The following CSMD1 variants were observed in gnomAD, a reference collection of about 807,000 sequenced individuals.
CSMD1 encodes CUB and sushi domain-containing protein 1.
Under a neutral mutation model 417.5 loss-of-function variants are expected in CSMD1, and 213 were observed. The ratio of observed to expected loss-of-function variants is 0.51; its 90% CI spans 0.46 to 0.57. The LOEUF (loss-of-function observed/expected upper bound fraction) is 0.57, where lower values mean the gene tolerates loss of function less well. Ranked by LOEUF, CSMD1 falls within the 20% of genes least tolerant of loss-of-function variation. The pLI is 0.00. For missense variants in CSMD1, 6,923 were observed against 4,529.7 expected, an observed-to-expected ratio of 1.53 and a Z score of -15.17; for synonymous variants, 2,862 against 1,736.8, an observed-to-expected ratio of 1.65 and a Z score of -16.11.
In CSMD1 at chr8:4,962,389, TGTGTAGAGACAGG is replaced by T. The variant is rs1217047443; in HGVS notation, c.85+31930_85+31942del. Reference sequence around the variant, plus strand: ...TCTTGACTGCTTAATTTTATAATTTTGTGTAGAGACAGGGTCTTTCTATGTCGCCAAAGCTGGC... The same window carrying T: ...TCTTGACTGCTTAATTTTATAATTTTGTCTTTCTATGTCGCCAAAGCTGGC... On this transcript the variant is annotated intron_variant, in intron 1 of 69. Coordinates refer to ENST00000635120, the MANE Select transcript of CSMD1 (RefSeq NM_033225.6). Among the ~76,000 whole-genome samples the T allele has an allele frequency of 5.9e-5, 9 of 152,088 alleles. No homozygotes were observed. In the East Asian group the frequency reaches 1.7e-3, roughly 30 times the overall value.
intron 2 of CSMD1, among the ~76,000 whole-genome samples, chr8:4,521,236 A>G (rs1041555369): frequency 5.9e-5 from 9 of 152,196 alleles, no homozygotes; most frequent in Non-Finnish European, 1.2e-4. Context: ...AAAGAACCAG[A>G]ATGATAGTCA....
intron 5 of CSMD1, among the ~76,000 whole-genome samples, chr8:3,799,568 A>G (rs189732043): frequency 6.6e-6 from 1 of 151,960 alleles, no homozygotes; most frequent in African/African-American, 2.4e-5. Flanking sequence ...AAACCTTATC[A>G]TTTGAAACTG....
At position 4,297,032 on chromosome 8, in the gene CSMD1, T is replaced by C. The variant is rs142140232; in HGVS notation, c.415+122921A>G. ...AGGAAGTGCTGGGAAAGAGTAATGC[T>C]ACATTTTTACGCCAATAAAAATGGT... On this transcript the variant is annotated intron_variant, in intron 3 of 69. Transcript: ENST00000635120. Among the ~76,000 whole-genome samples, 183 of 152,228 alleles carry C rather than the reference T, an allele frequency of 1.2e-3. 1 individual carries two copies. Among genetic ancestry groups the C allele is most frequent in the African/African-American group, 4.3e-3 (179 of 41,574 alleles).
chr8:3,688,476 C>G (rs577767559), intron 7 of CSMD1, among the ~76,000 whole-genome samples: 3 of 152,254 alleles, frequency 2.0e-5, no homozygotes, highest in East Asian at 3.9e-4. Context: ...TCTCTGTTCC[C>G]TAATGTCAAA....
chr8:4,310,301 G>A (rs1051353388), intron 3 of CSMD1, among the ~76,000 whole-genome samples: 1 of 152,144 alleles, frequency 6.6e-6, no homozygotes, highest in Non-Finnish European at 1.5e-5. Context: ...AAATTCTTAT[G>A]GGTGGGTGTG....
chr8:4,015,298 G>C (rs901015867), intron 4 of CSMD1, among the ~76,000 whole-genome samples: 1 of 152,202 alleles, frequency 6.6e-6, no homozygotes, highest in East Asian at 1.9e-4. Context: ...AGAATTTATA[G>C]GCACCCATAA....
chr8:4,581,294 C>A (rs889951487), intron 2 of CSMD1, among the ~76,000 whole-genome samples: 1 of 152,160 alleles, frequency 6.6e-6, no homozygotes, highest in African/African-American at 2.4e-5. Context: ...GAACAAGACA[C>A]ATGCAGAGGA....
At chr8:3,907,947 G>T (rs1379055451) in intron 5 of CSMD1, among the ~76,000 whole-genome samples, 1 of 152,028 alleles carries the variant, frequency 6.6e-6, no homozygotes, top group East Asian at 1.9e-4. Flanking sequence ...ATTTTTTTGG[G>T]GGGTGTGGGG....
At chr8:3,315,293 A>G (rs1357986923) in intron 23 of CSMD1, among the ~76,000 whole-genome samples, 5 of 152,134 alleles carry the variant, frequency 3.3e-5, no homozygotes, top group African/African-American at 1.2e-4. Flanking sequence ...AATTGGTTAA[A>G]TTTATTTTTT....
intron 3 of CSMD1, among the ~76,000 whole-genome samples, chr8:4,041,838 A>C (rs1797910314): frequency 6.6e-6 from 1 of 152,192 alleles, no homozygotes; most frequent in African/African-American, 2.4e-5. Flanking sequence ...ACCCAGATTG[A>C]ACATCTAGAG....
intron 3 of CSMD1, among the ~76,000 whole-genome samples, chr8:4,308,195 A>G (rs1186529559): frequency 1.3e-5 from 2 of 152,152 alleles, no homozygotes; most frequent in African/African-American, 4.8e-5. Context: ...TTAGGAGGTG[A>G]AGTCACTTGA....
chr8:4,142,702 A>C (rs1421628227), intron 3 of CSMD1, among the ~76,000 whole-genome samples: 1 of 151,178 alleles, frequency 6.6e-6, no homozygotes, highest in African/African-American at 2.5e-5. Context: ...GCTGAGGTTT[A>C]GGGCATTCCT....
In CSMD1 at chr8:3,550,236, A is replaced by T. The variant is rs183650356; in HGVS notation, c.1344+24709T>A. On this transcript the variant is annotated intron_variant, in intron 10 of 69. Coordinates refer to ENST00000635120, the MANE Select transcript of CSMD1 (RefSeq NM_033225.6). ...ATTCCAATGTCTCTTCCTTTAGAAT[A>T]CATCCTATGTCTCACCACCTGTCAC... Among the ~76,000 whole-genome samples, 3 of 152,188 alleles carry T rather than the reference A, an allele frequency of 2.0e-5. No individual in the cohort carries two copies. In the East Asian group the frequency reaches 5.8e-4, roughly 30 times the overall value.
At chr8:4,427,612 T>C (rs533341393) in intron 2 of CSMD1, among the ~76,000 whole-genome samples, 1 of 152,156 alleles carries the variant, frequency 6.6e-6, no homozygotes, top group Non-Finnish European at 1.5e-5. Context: ...AAGTAAAAAT[T>C]ATTGTAAATT....
At chr8:3,026,436 C>A (rs907652900) in intron 51 of CSMD1, among the ~76,000 whole-genome samples, 17 of 151,872 alleles carry the variant, frequency 1.1e-4, no homozygotes, top group African/African-American at 3.9e-4. Context: ...TTCACTGGGC[C>A]TCACTGGGCC....
At chr8:4,380,207 C>G (rs1803013116) in intron 3 of CSMD1, among the ~76,000 whole-genome samples, 1 of 152,158 alleles carries the variant, frequency 6.6e-6, no homozygotes, top group Non-Finnish European at 1.5e-5. Context: ...TCTTTCCAGA[C>G]TACAGTATGG....
intron 5 of CSMD1, among the ~76,000 whole-genome samples, chr8:3,940,198 T>A (rs1288094162): frequency 6.6e-6 from 1 of 151,928 alleles, no homozygotes; most frequent in Non-Finnish European, 1.5e-5. Flanking sequence ...CTTATTATTT[T>A]TGAAAAAGTT....
chr8:3,845,848 T>C (rs1803468582), intron 5 of CSMD1, among the ~76,000 whole-genome samples: 1 of 152,076 alleles, frequency 6.6e-6, no homozygotes, highest in African/African-American at 2.4e-5. Context: ...TTTTACTTTC[T>C]ATACTTCTTT....
At chr8:4,287,212 G>T (rs142505121) in intron 3 of CSMD1, among the ~76,000 whole-genome samples, 1 of 152,134 alleles carries the variant, frequency 6.6e-6, no homozygotes, top group African/African-American at 2.4e-5. Flanking sequence ...TAGCTAATTA[G>T]ATATCTTGCC....
Sources: allele counts gnomAD v4.1 joint callset (sites outside exome capture counted in the v4.1 genomes callset), GRCh38; gene constraint gnomAD v4.1.1; transcripts MANE v1.5; gene names NCBI Gene and HGNC (gene_info 2026-07-23, HGNC 2026-07-21).